The following LRP1B variants were observed in gnomAD, a reference collection of about 807,000 sequenced individuals.
LRP1B encodes low-density lipoprotein receptor-related protein 1B.
In LRP1B, 217 loss-of-function variants were observed where a neutral mutation model predicts 556.6. That is an observed-to-expected ratio of 0.39 (90% CI 0.35 to 0.44). LRP1B has a LOEUF of 0.44. LRP1B is among the 20% of genes least tolerant of loss of function. LRP1B has a pLI of 1.00. For missense variants in LRP1B, 5,053 were observed against 5,620.8 expected, an observed-to-expected ratio of 0.90 and a Z score of 3.23; for synonymous variants, 2,047 against 1,865.8, an observed-to-expected ratio of 1.10 and a Z score of -2.50.
chr2:140,377,216 T>C (rs1362105733), intron 68 of LRP1B, among the ~76,000 whole-genome samples: 1 of 152,090 alleles, frequency 6.6e-6, no homozygotes, highest in Non-Finnish European at 1.5e-5. Flanking sequence ...GCTGGGACTA[T>C]AGGCGTGCAC....
intron 12 of LRP1B, among the ~76,000 whole-genome samples, chr2:141,016,146 A>T (rs955131866): frequency 6.6e-6 from 1 of 152,210 alleles, no homozygotes; most frequent in African/African-American, 2.4e-5. Context: ...AACTACCACC[A>T]CTATCGCACT....
intron 35 of LRP1B, among the ~76,000 whole-genome samples, chr2:140,768,846 A>G (rs11885712): frequency 0.43 from 64,821 of 151,688 alleles, 15,238 homozygotes; most frequent in East Asian, 0.58. Context: ...AATATATTTT[A>G]AATAAAGTTA....
chr2:141,411,921 A>AT (rs1690867193), intron 3 of LRP1B, among the ~76,000 whole-genome samples: 1 of 152,090 alleles, frequency 6.6e-6, no homozygotes, highest in East Asian at 1.9e-4. Flanking sequence ...GGAGAATTTG[A>AT]TTTTGAATCA....
At chr2:142,059,517 C>A (rs920907821) in intron 1 of LRP1B, among the ~76,000 whole-genome samples, 14 of 141,736 alleles carry the variant, frequency 9.9e-5, no homozygotes, top group African/African-American at 3.3e-4. Flanking sequence ...CTTACCTAAT[C>A]CTGCAAAAGA....
chr2:142,054,297 T>TA (rs1455432763), intron 1 of LRP1B, among the ~76,000 whole-genome samples: 1 of 152,074 alleles, frequency 6.6e-6, no homozygotes. Flanking sequence ...TTAGAGTGGA[T>TA]AGAGTACAAG....
At chr2:141,196,074 A>G (rs1681737895) in intron 6 of LRP1B, among the ~76,000 whole-genome samples, 1 of 152,118 alleles carries the variant, frequency 6.6e-6, no homozygotes, top group Non-Finnish European at 1.5e-5. Context: ...TAGCAAAGAT[A>G]GGCAGGGATA....
chr2:140,800,466 G>A (rs1690470052), intron 32 of LRP1B, among the ~76,000 whole-genome samples: 1 of 152,254 alleles, frequency 6.6e-6, no homozygotes, highest in South Asian at 2.1e-4. Context: ...GGCTAGCTGA[G>A]CCTCAGCTGA....
intron 2 of LRP1B, among the ~76,000 whole-genome samples, chr2:141,647,375 A>G (rs1689610882): frequency 6.6e-6 from 1 of 151,902 alleles, no homozygotes; most frequent in African/African-American, 2.4e-5. Flanking sequence ...TTCCACCAGG[A>G]GAAATTGTCT....
intron 3 of LRP1B, among the ~76,000 whole-genome samples, chr2:141,463,367 C>G (rs1000018844): frequency 2.0e-5 from 3 of 150,542 alleles, no homozygotes; most frequent in Non-Finnish European, 1.5e-5. Context: ...TTACATGCCA[C>G]AAATCATAAA....
intron 11 of LRP1B, among the ~76,000 whole-genome samples, chr2:141,035,955 G>C (rs923116350): frequency 6.6e-6 from 1 of 152,086 alleles, no homozygotes; most frequent in African/African-American, 2.4e-5. Flanking sequence ...TTTCCATCTT[G>C]TTCCTCAAAT....
intron 82 of LRP1B, among the ~76,000 whole-genome samples, chr2:140,316,672 A>C (rs1684531762): frequency 1.3e-5 from 2 of 152,194 alleles, no homozygotes; most frequent in South Asian, 4.1e-4. Context: ...TTCACTTTAA[A>C]ATGTCCTTAA....
At chr2:141,567,144 A>AT (rs1157640225) in intron 2 of LRP1B, among the ~76,000 whole-genome samples, 2 of 152,182 alleles carry the variant, frequency 1.3e-5, no homozygotes, top group Non-Finnish European at 2.9e-5. Flanking sequence ...GGCAAGTTTG[A>AT]TTGAACAAAA....
At chr2:141,986,010 A>C (rs1165165419) in intron 1 of LRP1B, among the ~76,000 whole-genome samples, 1 of 151,990 alleles carries the variant, frequency 6.6e-6, no homozygotes, top group East Asian at 1.9e-4. Context: ...TCACATATTA[A>C]GAATATTAGA....
At chr2:140,856,905 T>C (rs1268077580) in intron 27 of LRP1B, among the ~76,000 whole-genome samples, 2 of 152,180 alleles carry the variant, frequency 1.3e-5, no homozygotes, top group Non-Finnish European at 2.9e-5. Flanking sequence ...TCTAAAAATC[T>C]AGAAAGTTAA....
intron 2 of LRP1B, among the ~76,000 whole-genome samples, chr2:141,746,349 C>A (rs1486543890): frequency 6.6e-6 from 1 of 152,128 alleles, no homozygotes; most frequent in Admixed American, 6.6e-5. Flanking sequence ...TCCTCTCTGG[C>A]TAGAGCTCAT....
At chr2:141,399,839 C>T (rs540050236) in intron 3 of LRP1B, among the ~76,000 whole-genome samples, 1 of 152,220 alleles carries the variant, frequency 6.6e-6, no homozygotes, top group African/African-American at 2.4e-5. Flanking sequence ...TGTCTACAGA[C>T]AAATGATATG....
rs1415664279 is a variant in LRP1B at position 140,321,491 on chromosome 2, G to GTATTGTAAGTCCCAT, written c.12640+457_12640+471dup. 2.0e-4 allele frequency among the ~76,000 whole-genome samples: 30 copies of GTATTGTAAGTCCCAT among 151,900 alleles called. 1 individual carries two copies. The South Asian group carries it at 6.3e-3, about 32-fold the overall frequency. Reference sequence around the variant, plus strand: ...CTTTGTGGTAATAGCAGTAGTAGTAGTATTGTAAGTCCCATTTTACAGAGA... The same window carrying GTATTGTAAGTCCCAT: ...CTTTGTGGTAATAGCAGTAGTAGTAGTATTGTAAGTCCCATTATTGTAAGTCCCATTTTACAGAGA... On this transcript the variant is annotated intron_variant, in intron 82 of 90. Coordinates refer to ENST00000389484, the MANE Select transcript of LRP1B (RefSeq NM_018557.3).
At chr2:140,784,292 T>C (rs924844193) in intron 32 of LRP1B, among the ~76,000 whole-genome samples, 1 of 151,258 alleles carries the variant, frequency 6.6e-6, no homozygotes, top group Admixed American at 6.6e-5. Context: ...CTATGCCCCA[T>C]GTGAGATATT....
chr2:141,088,462 T>C (rs1437961957), intron 7 of LRP1B, among the ~76,000 whole-genome samples: 2 of 152,078 alleles, frequency 1.3e-5, no homozygotes, highest in Non-Finnish European at 2.9e-5. Context: ...TGCTTGAAAA[T>C]GACGGCTTGA....
Sources: allele counts gnomAD v4.1 joint callset (sites outside exome capture counted in the v4.1 genomes callset), GRCh38; gene constraint gnomAD v4.1.1; transcripts MANE v1.5; gene names NCBI Gene and HGNC (gene_info 2026-07-23, HGNC 2026-07-21).